WASHC2C: variants seen among roughly 807,000 people sequenced by gnomAD.
WASHC2C encodes WASH complex subunit 2C.
Under a neutral mutation model 142.2 loss-of-function variants are expected in WASHC2C, and 73 were observed. That is an observed-to-expected ratio of 0.51 (90% CI 0.43 to 0.62). The LOEUF (loss-of-function observed/expected upper bound fraction) is 0.62. WASHC2C is among the 20% of genes least tolerant of loss of function. The pLI is 0.00. For synonymous variants in WASHC2C, 337 were observed against 565.5 expected (o/e 0.60, Z 5.73); for missense variants, 969 against 1,531.7 (o/e 0.63, Z 6.13).
chr10:45,750,139 G>A lies in WASHC2C; in HGVS notation c.776G>A (p.Cys259Tyr). The change falls in exon 9 of 31, where the codon TGT (cysteine) becomes TAT (tyrosine). Residue 259 changes from cysteine (C) to tyrosine (Y), a missense_variant. Coordinates refer to ENST00000623400, the MANE Select transcript of WASHC2C (RefSeq NM_001330074.2). ...MSDEEEDDDG[C>Y]DLFADSEKEE... is the part of the protein sequence containing the mutation. ...GATGAGGAAGAGGATGATGATGGCT[G>A]TGACCTTTTTGCTGACTCTGAGAAG... The A allele has an allele frequency of 6.2e-7, 1 of 1,611,526 alleles. No individual in the cohort carries two copies. Among genetic ancestry groups the A allele is most frequent in the East Asian group, 2.2e-5 (1 of 44,848 alleles).
At chr10:45,784,287 T>TACACAC (rs1184044056) in intron 23 of WASHC2C, among the ~76,000 whole-genome samples, 5 of 8,524 alleles carry the variant, frequency 5.9e-4, no homozygotes, top group African/African-American at 6.8e-4. Context: ...TATATATATA[T>TACACAC]ATACACATAT....
intron 6 of WASHC2C, among the ~76,000 whole-genome samples, chr10:45,744,043 G>A (rs797038804): frequency 1.1e-4 from 17 of 151,432 alleles, no homozygotes; most frequent in East Asian, 2.0e-4. Flanking sequence ...CACCGTGCCC[G>A]GCTCTTTTTC....
At chr10:45,766,350 T>G (rs1442886650) in intron 19 of WASHC2C, among the ~76,000 whole-genome samples, 18 of 151,108 alleles carry the variant, frequency 1.2e-4, no homozygotes, top group African/African-American at 4.1e-4. Context: ...GTCAGATCAT[T>G]CTCTGCATCT....
intron 3 of WASHC2C, among the ~76,000 whole-genome samples, chr10:45,732,237 A>G (rs1218165758): frequency 6.6e-6 from 1 of 152,240 alleles, no homozygotes; most frequent in Non-Finnish European, 1.5e-5. Context: ...GGTTTTATTA[A>G]TTAGCCTCAG....
rs1564820426 is a variant in WASHC2C, at chr10:45,784,291, CACATATATATATATATATAT to C, written c.2479-270_2479-251del. Reference sequence around the variant, plus strand: ...ATATATATATATATATATATATATACACATATATATATATATATATACACACACATATATATATATATGTA... The same window carrying C: ...ATATATATATATATATATATATATACACACACACATATATATATATATGTA... On this transcript the variant is annotated intron_variant, in intron 23 of 30. Transcript: ENST00000623400. 4.3e-3 allele frequency among the ~76,000 whole-genome samples: 38 copies of C among 8,754 alleles called. 1 individual carries two copies. The highest frequency in any genetic ancestry group is 0.029 in the South Asian group (4 of 138). 5.7% of individuals were successfully genotyped at this position (8,754 alleles called of 152,430 possible). A position where few individuals can be genotyped will look rare whatever the true frequency, so the allele number is the denominator to read the frequency against.
chr10:45,741,289 T>G (rs2052015217), intron 5 of WASHC2C, among the ~76,000 whole-genome samples: 1 of 152,146 alleles, frequency 6.6e-6, no homozygotes. Context: ...ACATTTCTCT[T>G]CCAGTTTGAG....
Position 45,788,943 on chromosome 10 carries a change from A to G in WASHC2C, c.3160A>G (p.Ser1054Gly). 7 of 1,612,076 alleles carry G rather than the reference A, an allele frequency of 4.3e-6. No individual in the cohort carries two copies. Among genetic ancestry groups the G allele is most frequent in the Non-Finnish European group, 5.9e-6 (7 of 1,179,868 alleles). ...TAGGCGGCTGGCTGCTCAGGAGTCC[A>G]GCGAGGCTGAGGACATGAGCGTCCC... ...AARRLAAQES[S>G]EAEDMSVPRG... The change falls in exon 29 of 31, where the codon AGC (serine) becomes GGC (glycine). Residue 1054 changes from serine to glycine, a missense_variant. Ser to Gly is a moderately conservative substitution (Grantham distance 56, BLOSUM62 0). Transcript: ENST00000623400.
At position 45,757,104 on chromosome 10, in the gene WASHC2C, C is replaced by T. The variant is rs1554877623; in HGVS notation, c.1513C>T (p.Gln505Ter). The change falls in exon 16 of 31, where the codon CAG (glutamine) becomes TAG (stop). Residue 505 changes from glutamine (Q) to a stop codon, truncating the protein, a stop_gained. Transcript: ENST00000623400. LOFTEE classifies it high-confidence loss of function. ...AGCATCGCCAGAAGCCACTGTGAGT[C>T]AGACAGATGAAAATAAAGCAAGAGC... is the stretch of plus-strand genomic sequence containing the variant. ...AVASPEATVS[Q>*]TDENKARAEK... 3 of 1,605,748 alleles carry T rather than the reference C, an allele frequency of 1.9e-6. No individual in the cohort carries two copies. The highest frequency in any genetic ancestry group is 1.7e-6 in the Non-Finnish European group (2 of 1,177,964).
intron 11 of WASHC2C, among the ~76,000 whole-genome samples, chr10:45,751,885 G>A (rs1173758833): frequency 4.7e-4 from 72 of 152,218 alleles, no homozygotes; most frequent in African/African-American, 1.6e-3. Flanking sequence ...GCTGAGGCAG[G>A]AGAATCACTT....
At chr10:45,765,851 T>C (rs1554882154) in intron 19 of WASHC2C, 41 bp downstream of exon 19, 10 of 1,611,538 alleles carry the variant, frequency 6.2e-6, no homozygotes, top group Non-Finnish European at 8.5e-6. Context: ...GATTATTTCA[T>C]GGGATTTAAG....
intron 2 of WASHC2C, 91 bp downstream of exon 2, chr10:45,727,630 G>T: frequency 2.1e-6 from 3 of 1,402,786 alleles, no homozygotes; most frequent in Non-Finnish European, 2.8e-6. Context: ...CCTGCACCTG[G>T]CCCGTCCCGT....
At chr10:45,782,426 G>A (rs1335441681) in intron 23 of WASHC2C, among the ~76,000 whole-genome samples, 1 of 147,878 alleles carries the variant, frequency 6.8e-6, no homozygotes, top group African/African-American at 2.5e-5. Context: ...CCCGGGAAGA[G>A]GACCATAATA....
chr10:45,741,855 G>A (rs1415210541), intron 5 of WASHC2C, among the ~76,000 whole-genome samples: 2 of 150,438 alleles, frequency 1.3e-5, no homozygotes, highest in East Asian at 2.0e-4. Context: ...CTGGAGTGGC[G>A]CAATCTCGGC....
chr10:45,753,859 A>G (rs1232438772), intron 13 of WASHC2C, among the ~76,000 whole-genome samples: 1 of 151,408 alleles, frequency 6.6e-6, no homozygotes, highest in Admixed American at 6.6e-5. Flanking sequence ...TAACCTACAA[A>G]TGTTACTCAA....
chr10:45,762,712 T>G (rs1180455482), intron 17 of WASHC2C, among the ~76,000 whole-genome samples: 1 of 152,134 alleles, frequency 6.6e-6, no homozygotes, highest in Non-Finnish European at 1.5e-5. Flanking sequence ...GAGACCATCC[T>G]GGCTAACATG....
intron 27 of WASHC2C, 36 bp downstream of exon 27, chr10:45,786,710 G>T (rs2058070062): frequency 6.2e-7 from 1 of 1,611,658 alleles, no homozygotes; most frequent in Non-Finnish European, 8.5e-7. Context: ...TGCCTGCCCT[G>T]TGGCATCTAT....
chr10:45,741,460 C>CT (rs1414820462), intron 5 of WASHC2C, among the ~76,000 whole-genome samples: 3 of 148,092 alleles, frequency 2.0e-5, no homozygotes, highest in African/African-American at 5.0e-5. Context: ...CACTTTCTCC[C>CT]TTTTTTTTTT....
In WASHC2C at chr10:45,729,747, G is replaced by T. The variant is rs2050314729; in HGVS notation, c.291+721G>T. On this transcript the variant is annotated intron_variant, in intron 3 of 30. Coordinates refer to ENST00000623400, the MANE Select transcript of WASHC2C (RefSeq NM_001330074.2). ...GGGTGTCCCAACTTTCTGAATATCAGCATTCATTTGTGGAAAAAGGATTAT... is the reference window on the plus strand; with the variant it reads ...GGGTGTCCCAACTTTCTGAATATCATCATTCATTTGTGGAAAAAGGATTAT... Among the ~76,000 whole-genome samples the T allele has an allele frequency of 2.7e-5, 4 of 148,530 alleles. No individual in the cohort carries two copies. In the South Asian group the frequency reaches 8.9e-4, roughly 33 times the overall value.
At position 45,728,906 on chromosome 10, in the gene WASHC2C, G is replaced by A. The variant is rs1554861082; in HGVS notation, c.171G>A (p.Arg57=). 2 of 1,613,760 alleles carry A rather than the reference G, an allele frequency of 1.2e-6. No homozygotes were observed. Among genetic ancestry groups the A allele is most frequent in the South Asian group, 1.1e-5 (1 of 91,064 alleles). The part of the protein sequence containing the change: ...LQEFSQQTIS[R]THEIKKQVDG... The stretch of plus-strand genomic sequence containing the variant: ...AATTCTCACAGCAAACTATCTCTAG[G>A]ACCCATGAAATCAAGAAACAAGTGG... The change falls in exon 3 of 31, where the codon AGG becomes AGA. Residue 57 remains arginine (R), a synonymous_variant. Transcript: ENST00000623400.
Sources: gnomAD v4.1 joint callset for allele counts (sites outside exome capture counted in the v4.1 genomes callset) on GRCh38, gnomAD v4.1.1 for gene constraint, MANE v1.5 for transcripts, NCBI Gene and HGNC (gene_info 2026-07-23, HGNC 2026-07-21) for gene names.